The following ARID1B variants were observed in gnomAD, a reference collection of about 807,000 sequenced individuals.
The protein encoded by ARID1B is AT-rich interactive domain-containing protein 1B.
In ARID1B, 30 loss-of-function variants were observed where a neutral mutation model predicts 212.3. The observed-to-expected ratio is 0.14, with a 90% CI of 0.11 to 0.19. The LOEUF is 0.19. Among genes scored for constraint, ARID1B ranks in the 10% least tolerant of loss-of-function variants. The pLI is 1.00. For missense variants in ARID1B, 2,891 were observed against 3,204.0 expected (o/e 0.90, Z 2.36); for synonymous variants, 1,402 against 1,301.7 (o/e 1.08, Z -1.66).
At chr6:156,996,882 C>A (rs1204867562) in intron 4 of ARID1B, among the ~76,000 whole-genome samples, 1 of 152,046 alleles carries the variant, frequency 6.6e-6, no homozygotes, top group Non-Finnish European at 1.5e-5. Context: ...CTGAATTGTT[C>A]ATGTTAGTAG....
At chr6:156,968,046 G>A (rs902854089) in intron 4 of ARID1B, among the ~76,000 whole-genome samples, 16 of 152,268 alleles carry the variant, frequency 1.1e-4, no homozygotes, top group African/African-American at 3.4e-4. Flanking sequence ...GACCTTTCCC[G>A]GTCCCTGTCT....
At chr6:156,976,014 G>A (rs957636062) in intron 4 of ARID1B, among the ~76,000 whole-genome samples, 10 of 151,936 alleles carry the variant, frequency 6.6e-5, no homozygotes, top group African/African-American at 2.4e-4. Context: ...TGGAGCGGGT[G>A]TATCGTACAA....
intron 5 of ARID1B, among the ~76,000 whole-genome samples, chr6:157,087,083 C>T (rs1438846202): frequency 1.3e-5 from 2 of 152,192 alleles, no homozygotes; most frequent in Non-Finnish European, 2.9e-5. Flanking sequence ...TCCTCTGTAG[C>T]CGACCTCTAT....
At chr6:157,016,970 T>C (rs761060532) in intron 4 of ARID1B, among the ~76,000 whole-genome samples, 1 of 152,218 alleles carries the variant, frequency 6.6e-6, no homozygotes, top group South Asian at 2.1e-4. Flanking sequence ...TAATTTTGTA[T>C]TGCTTAAAGG....
chr6:156,805,704 T>A (rs965053298), intron 1 of ARID1B, among the ~76,000 whole-genome samples: 2 of 152,332 alleles, frequency 1.3e-5, no homozygotes, highest in South Asian at 2.1e-4. Context: ...TATTTAATTT[T>A]ATTTTTTTTT....
At chr6:157,138,865 T>A (rs993502302) in intron 7 of ARID1B, among the ~76,000 whole-genome samples, 2 of 152,248 alleles carry the variant, frequency 1.3e-5, no homozygotes, top group African/African-American at 4.8e-5. Context: ...GGAAATATAC[T>A]AAATCTGTTT....
intron 4 of ARID1B, among the ~76,000 whole-genome samples, chr6:157,008,902 TACTGCCA>T (rs1445581062): frequency 6.6e-6 from 1 of 152,200 alleles, no homozygotes; most frequent in African/African-American, 2.4e-5. Context: ...CCTTCCCAAC[TACTGCCA>T]ACTGCCTCCA....
At chr6:156,835,188 C>T (rs375064225) in intron 2 of ARID1B, among the ~76,000 whole-genome samples, 4 of 145,086 alleles carry the variant, frequency 2.8e-5, no homozygotes, top group South Asian at 4.3e-4. Flanking sequence ...TGCAGTGAGC[C>T]GAGATCTTGC....
intron 4 of ARID1B, among the ~76,000 whole-genome samples, chr6:156,981,469 TGAA>T (rs1777599927): frequency 6.6e-6 from 1 of 152,256 alleles, no homozygotes; most frequent in African/African-American, 2.4e-5. Flanking sequence ...TTATAGATGA[TGAA>T]AATCAAATGA....
At chr6:156,805,462 C>G (rs1454536639) in intron 1 of ARID1B, among the ~76,000 whole-genome samples, 2 of 152,272 alleles carry the variant, frequency 1.3e-5, no homozygotes, top group Admixed American at 1.3e-4. Context: ...CGAGTGTCAG[C>G]TTTTATTGTT....
intron 11 of ARID1B, among the ~76,000 whole-genome samples, chr6:157,178,066 G>A (rs780223032): frequency 6.6e-6 from 1 of 152,136 alleles, no homozygotes; most frequent in African/African-American, 2.4e-5. Flanking sequence ...CCCAGTATGC[G>A]AACCATAAGC....
At chr6:156,987,159 C>CAGAGAGAGAGAGAG (rs56189333) in intron 4 of ARID1B, among the ~76,000 whole-genome samples, 7 of 141,618 alleles carry the variant, frequency 4.9e-5, no homozygotes, top group African/African-American at 1.9e-4. Context: ...GCCTCGGTGA[C>CAGAGAGAGAGAGAG]AGAGAGAGAG....
intron 3 of ARID1B, among the ~76,000 whole-genome samples, chr6:156,911,184 T>C (rs979424462): frequency 6.6e-6 from 1 of 152,206 alleles, no homozygotes; most frequent in African/African-American, 2.4e-5. Context: ...TGAGCAACTG[T>C]TGGCAAAGTT....
intron 4 of ARID1B, chr6:156,941,997 TA>T (rs1425729464): frequency 6.6e-6 from 1 of 152,248 alleles, no homozygotes; most frequent in Non-Finnish European, 1.5e-5. Context: ...AGAATTTGTT[TA>T]ATTTTTTAAA....
At chr6:157,165,394 A>G (rs531188975) in intron 8 of ARID1B, among the ~76,000 whole-genome samples, 1 of 152,342 alleles carries the variant, frequency 6.6e-6, no homozygotes, top group African/African-American at 2.4e-5. Context: ...ATCATGGTAC[A>G]TTAGATTGTA....
At position 157,123,247 on chromosome 6, in the gene ARID1B, C is replaced by CA. The variant is rs1554299919; in HGVS notation, c.2582-9781_2582-9780insA. On this transcript the variant is annotated intron_variant, in intron 6 of 19. Transcript: ENST00000636930. ...CTCCCCCCCGCCCCCCGCCCCCCCCCCACACACACACAAGCAAACTCTGGG... is the reference window on the plus strand; with the variant it reads ...CTCCCCCCCGCCCCCCGCCCCCCCCCACACACACACACAAGCAAACTCTGGG... Among the ~76,000 whole-genome samples the CA allele has an allele frequency of 4.4e-3, 490 of 111,828 alleles. 3 individuals carry two copies. The highest frequency in any genetic ancestry group is 0.01 in the African/African-American group (320 of 30,748). 73.4% of individuals were successfully genotyped at this position (111,828 alleles called of 152,430 possible). A position where few individuals can be genotyped will look rare whatever the true frequency, so the allele number is the denominator to read the frequency against.
rs1447756327 is a variant in ARID1B at position 157,062,434 on chromosome 6, G to A, written c.2248-22228G>A. 1.3e-5 allele frequency among the ~76,000 whole-genome samples: 2 copies of A among 152,006 alleles called. 1 individual carries two copies. Among genetic ancestry groups the A allele is most frequent in the African/African-American group, 4.8e-5 (2 of 41,404 alleles). ...GCTGGTCTTGAATTCCTAGCTTCAA[G>A]CAATCCTCTCACCTTGGCCTCCCAA... On this transcript the variant is annotated intron_variant, in intron 4 of 19. Transcript: ENST00000636930.
intron 1 of ARID1B, among the ~76,000 whole-genome samples, chr6:156,785,194 G>A (rs1779552131): frequency 6.6e-5 from 10 of 152,214 alleles, no homozygotes; most frequent in Admixed American, 6.5e-4. Context: ...TCTTGGATGA[G>A]ATTTATTACC....
At chr6:156,904,572 C>T (rs142024791) in intron 3 of ARID1B, among the ~76,000 whole-genome samples, 97 of 152,356 alleles carry the variant, frequency 6.4e-4, no homozygotes, top group African/African-American at 2.1e-3. Context: ...CCAATTCACA[C>T]TCCCATCTGC....
Sources: gnomAD v4.1 joint callset for allele counts (sites outside exome capture counted in the v4.1 genomes callset) on GRCh38, gnomAD v4.1.1 for gene constraint, MANE v1.5 for transcripts, NCBI Gene and HGNC (gene_info 2026-07-23, HGNC 2026-07-21) for gene names.